The following SMYD3 variants were observed in gnomAD, a reference collection of about 807,000 sequenced individuals.
SMYD3 encodes the protein SET and MYND domain containing 3, also known as histone-lysine N-methyltransferase SMYD3.
In SMYD3, 36 loss-of-function variants were observed where a neutral mutation model predicts 57.7. That is an observed-to-expected ratio of 0.62 (90% confidence interval 0.48 to 0.82). The LOEUF (loss-of-function observed/expected upper bound fraction) is 0.82. Ranked by LOEUF, SMYD3 falls within the 40% of genes least tolerant of loss-of-function variation. SMYD3 has a pLI of 0.00. For synonymous variants in SMYD3, 211 were observed against 195.0 expected, an observed-to-expected ratio of 1.08 and a Z score of -0.68; for missense variants, 515 against 538.8, an observed-to-expected ratio of 0.96 and a Z score of 0.44.
chr1:246,195,850 C>T (rs995813247), intron 5 of SMYD3, among the ~76,000 whole-genome samples: 6 of 152,164 alleles, frequency 3.9e-5, no homozygotes, highest in African/African-American at 1.2e-4. Context: ...ATTTTTGCTT[C>T]ATTTTTAACC....
chr1:246,329,425 A>G (rs2065420442), intron 4 of SMYD3, among the ~76,000 whole-genome samples: 1 of 152,056 alleles, frequency 6.6e-6, no homozygotes, highest in African/African-American at 2.4e-5. Context: ...TTTGATTTGC[A>G]TTTCTCTGAT....
At chr1:246,164,712 C>T (rs941258341) in intron 5 of SMYD3, among the ~76,000 whole-genome samples, 1 of 152,214 alleles carries the variant, frequency 6.6e-6, no homozygotes, top group Non-Finnish European at 1.5e-5. Context: ...CAGTCCTGAA[C>T]AAGACTGATA....
At chr1:245,903,476 G>A (rs900601304) in intron 8 of SMYD3, among the ~76,000 whole-genome samples, 4 of 152,064 alleles carry the variant, frequency 2.6e-5, no homozygotes, top group Non-Finnish European at 5.9e-5. Context: ...AGGACACCAA[G>A]TTAACAACTA....
intron 5 of SMYD3, among the ~76,000 whole-genome samples, chr1:246,309,720 C>A (rs1275944281): frequency 6.6e-6 from 1 of 152,138 alleles, no homozygotes; most frequent in Admixed American, 6.5e-5. Flanking sequence ...GCCTTCACGG[C>A]CAAGAGTCTT....
chr1:246,481,596 A>ATC, intron 1 of SMYD3, among the ~76,000 whole-genome samples: 1 of 73,650 alleles, frequency 1.4e-5, no homozygotes, highest in Non-Finnish European at 2.5e-5. Flanking sequence ...CAGGCTCCAT[A>ATC]TATATATATA....
At chr1:245,869,630 T>C (rs1177907851) in intron 8 of SMYD3, among the ~76,000 whole-genome samples, 2 of 152,188 alleles carry the variant, frequency 1.3e-5, no homozygotes, top group Non-Finnish European at 2.9e-5. Context: ...GAGTCTCATT[T>C]GTCCATTCTC....
At chr1:246,408,152 G>A (rs953888836) in intron 1 of SMYD3, among the ~76,000 whole-genome samples, 2 of 152,050 alleles carry the variant, frequency 1.3e-5, no homozygotes, top group African/African-American at 4.8e-5. Context: ...CACCTTAGGG[G>A]TTAAGATCAC....
intron 5 of SMYD3, among the ~76,000 whole-genome samples, chr1:246,047,813 C>G (rs1250384344): frequency 6.6e-6 from 1 of 151,158 alleles, no homozygotes; most frequent in East Asian, 2.0e-4. Context: ...GTACTCCAGC[C>G]TGGCAACAGA....
chr1:245,900,889 C>T (rs2054141383), intron 8 of SMYD3, among the ~76,000 whole-genome samples: 1 of 152,178 alleles, frequency 6.6e-6, no homozygotes, highest in African/African-American at 2.4e-5. Context: ...GGGAGGAATC[C>T]CAGGGCAGTT....
chr1:245,812,700 C>CAAAAAAAAAAA (rs201426225), intron 10 of SMYD3, among the ~76,000 whole-genome samples: 9,825 of 45,064 alleles, frequency 0.22, 526 homozygotes, highest in South Asian at 0.37. Context: ...AACAACAGTT[C>CAAAAAAAAAAA]CAAAAAAAAA....
At chr1:246,490,363 C>CA (rs900121749) in intron 1 of SMYD3, among the ~76,000 whole-genome samples, 3 of 152,256 alleles carry the variant, frequency 2.0e-5, no homozygotes, top group African/African-American at 7.2e-5. Context: ...ATGTTATCTG[C>CA]AGACAGAGTG....
chr1:246,342,088 T>C (rs923056261), intron 2 of SMYD3, among the ~76,000 whole-genome samples: 1 of 152,220 alleles, frequency 6.6e-6, no homozygotes, highest in Non-Finnish European at 1.5e-5. Context: ...CTTACAATCA[T>C]TGAAAATTTG....
intron 5 of SMYD3, among the ~76,000 whole-genome samples, chr1:246,220,123 C>T (rs2063230008): frequency 6.6e-6 from 1 of 152,132 alleles, no homozygotes; most frequent in African/African-American, 2.4e-5. Context: ...CTAAGCCCAG[C>T]CTTAAATTTA....
chr1:245,972,881 T>TCTCC (rs1357267730), intron 5 of SMYD3, among the ~76,000 whole-genome samples: 2 of 152,206 alleles, frequency 1.3e-5, no homozygotes, highest in Non-Finnish European at 2.9e-5. Context: ...TAAATGTCTA[T>TCTCC]CTCCTTTGAA....
intron 10 of SMYD3, among the ~76,000 whole-genome samples, chr1:245,846,563 G>A (rs916793498): frequency 7.2e-5 from 11 of 152,282 alleles, no homozygotes; most frequent in Middle Eastern, 3.4e-3. Flanking sequence ...TCTTGGCTCC[G>A]TCATGGAGTG....
chr1:245,972,233 A>G (rs1329507130), intron 5 of SMYD3, among the ~76,000 whole-genome samples: 1 of 152,212 alleles, frequency 6.6e-6, no homozygotes, highest in Non-Finnish European at 1.5e-5. Flanking sequence ...CCAAGTCCTG[A>G]GACACCTTAG....
chr1:246,085,528 A>G (rs1299040797), intron 5 of SMYD3, among the ~76,000 whole-genome samples: 1 of 152,180 alleles, frequency 6.6e-6, no homozygotes, highest in Non-Finnish European at 1.5e-5. Context: ...CCCAGAAGAA[A>G]GGGGCATCCT....
chr1:246,238,171 C>T (rs1184052582), intron 5 of SMYD3, among the ~76,000 whole-genome samples: 1 of 152,074 alleles, frequency 6.6e-6, no homozygotes, highest in Non-Finnish European at 1.5e-5. Context: ...TCAAGCAATC[C>T]TCACACCTCA....
intron 5 of SMYD3, among the ~76,000 whole-genome samples, chr1:246,014,346 T>C (rs901285962): frequency 1.3e-5 from 2 of 152,034 alleles, no homozygotes; most frequent in African/African-American, 4.8e-5. Flanking sequence ...AAAAAGTGAG[T>C]ATCTGTCCTA....
Sources: allele counts gnomAD v4.1 joint callset (sites outside exome capture counted in the v4.1 genomes callset), GRCh38; gene constraint gnomAD v4.1.1; transcripts MANE v1.5; gene names NCBI Gene and HGNC (gene_info 2026-07-23, HGNC 2026-07-21).